Variants in RAD51B observed in about 807,000 individuals in gnomAD.
The protein encoded by RAD51B is RAD51 paralog B.
Under a neutral mutation model 42.2 loss-of-function variants are expected in RAD51B, and 38 were observed. The ratio of observed to expected loss-of-function variants is 0.90; its 90% CI spans 0.70 to 1.18. RAD51B has a LOEUF of 1.18. Ranked by LOEUF, RAD51B falls within the 50% of genes most tolerant of loss-of-function variation. RAD51B has a pLI of 0.00. For missense variants in RAD51B, 373 were observed against 400.7 expected (o/e 0.93, Z 0.59); for synonymous variants, 154 against 145.2 (o/e 1.06, Z -0.43).
chr14:68,078,324 C>T (rs939912162), intron 7 of RAD51B, among the ~76,000 whole-genome samples: 11 of 150,946 alleles, frequency 7.3e-5, no homozygotes, highest in African/African-American at 2.7e-4. Context: ...AAGAATATTT[C>T]TTTGTTTCCT....
Position 68,589,493 on chromosome 14 carries a change from C to T in RAD51B, c.1037-4992C>T, listed in dbSNP as rs142077242. 5.7e-3 allele frequency among the ~76,000 whole-genome samples: 873 copies of T among 152,328 alleles called. 6 individuals carry two copies. Among genetic ancestry groups the T allele is most frequent in the Non-Finnish European group, 8.2e-3 (556 of 68,022 alleles). On this transcript the variant is annotated intron_variant, in intron 10 of 10. Transcript: ENST00000487270. ...CACTGCCCCCATGACTGCCACAAGC[C>T]CCTCCCGACCTGGGAACGTCTCTTC...
At chr14:67,832,759 G>A (rs1049300269) in intron 3 of RAD51B, among the ~76,000 whole-genome samples, 3 of 152,072 alleles carry the variant, frequency 2.0e-5, no homozygotes, top group Non-Finnish European at 2.9e-5. Flanking sequence ...GATGTTATTT[G>A]CTCCATATCC....
chr14:68,248,332 A>T (rs1019861722), intron 7 of RAD51B, among the ~76,000 whole-genome samples: 1 of 152,052 alleles, frequency 6.6e-6, no homozygotes, highest in Non-Finnish European at 1.5e-5. Flanking sequence ...TTTTGAGGTT[A>T]TGTTCTTTTC....
chr14:68,404,568 C>T (rs2084211641), intron 8 of RAD51B, among the ~76,000 whole-genome samples: 1 of 152,190 alleles, frequency 6.6e-6, no homozygotes, highest in Non-Finnish European at 1.5e-5. Context: ...CCCTACCTCC[C>T]TCTCTCAAGT....
intron 10 of RAD51B, among the ~76,000 whole-genome samples, chr14:68,586,962 G>C (rs539959478): frequency 4.0e-5 from 6 of 151,842 alleles, no homozygotes; most frequent in African/African-American, 1.5e-4. Context: ...TCGAGATCAC[G>C]CCATTGCAGT....
intron 7 of RAD51B, among the ~76,000 whole-genome samples, chr14:67,973,049 C>A (rs2074928033): frequency 6.6e-6 from 1 of 152,032 alleles, no homozygotes; most frequent in Admixed American, 6.6e-5. Flanking sequence ...ACATAGAAAT[C>A]AAAATTATCA....
At chr14:67,966,632 A>T (rs2074784387) in intron 7 of RAD51B, among the ~76,000 whole-genome samples, 2 of 152,284 alleles carry the variant, frequency 1.3e-5, no homozygotes, top group African/African-American at 4.8e-5. Context: ...CTATGCATTG[A>T]CTTAGAGATA....
At chr14:68,570,873 C>CCACACACACACACACA (rs9323516) in intron 10 of RAD51B, among the ~76,000 whole-genome samples, 12 of 150,242 alleles carry the variant, frequency 8.0e-5, no homozygotes, top group African/African-American at 2.7e-4. Flanking sequence ...GGCTGGAGCG[C>CCACACACACACACACA]CACACACACA....
chr14:68,450,312 G>T (rs917819070), intron 9 of RAD51B, among the ~76,000 whole-genome samples: 1 of 146,948 alleles, frequency 6.8e-6, no homozygotes, highest in Non-Finnish European at 1.5e-5. Context: ...TCCACCTCCC[G>T]GGTTCAAACA....
chr14:68,062,788 G>T (rs2076588005), intron 7 of RAD51B, among the ~76,000 whole-genome samples: 1 of 141,904 alleles, frequency 7.0e-6, no homozygotes, highest in South Asian at 2.2e-4. Context: ...CAGCCTGCCA[G>T]CCTGGGCAAG....
chr14:68,269,667 G>A (rs1400647374), intron 7 of RAD51B, among the ~76,000 whole-genome samples: 4 of 152,178 alleles, frequency 2.6e-5, no homozygotes, highest in Non-Finnish European at 5.9e-5. Context: ...CCTGACTAGG[G>A]GGTCTCACTC....
At chr14:68,197,552 T>G (rs2140917379) in intron 7 of RAD51B, among the ~76,000 whole-genome samples, 1 of 152,308 alleles carries the variant, frequency 6.6e-6, no homozygotes, top group East Asian at 1.9e-4. Flanking sequence ...AATGTTTAAC[T>G]CTAAAATAAA....
At chr14:68,162,881 G>T (rs2078672214) in intron 7 of RAD51B, among the ~76,000 whole-genome samples, 1 of 152,290 alleles carries the variant, frequency 6.6e-6, no homozygotes, top group African/African-American at 2.4e-5. Flanking sequence ...GTACTAAAAA[G>T]CATACAGAAA....
intron 7 of RAD51B, among the ~76,000 whole-genome samples, chr14:68,077,913 G>A (rs1284477357): frequency 1.3e-5 from 2 of 152,152 alleles, no homozygotes; most frequent in Admixed American, 6.5e-5. Context: ...CCAAGACTGC[G>A]CCACTGCACT....
intron 7 of RAD51B, among the ~76,000 whole-genome samples, chr14:68,128,180 T>G (rs1393707592): frequency 6.6e-6 from 1 of 152,220 alleles, no homozygotes; most frequent in African/African-American, 2.4e-5. Context: ...AGTTTGGTTT[T>G]GATTGTTCCA....
intron 7 of RAD51B, among the ~76,000 whole-genome samples, chr14:68,191,276 A>G (rs2588807): frequency 0.8 from 122,377 of 152,046 alleles, 49,674 homozygotes; most frequent in East Asian, 0.98. Context: ...ATGTGTTTGG[A>G]TCATGGTTTC....
intron 7 of RAD51B, among the ~76,000 whole-genome samples, chr14:68,139,997 G>A (rs1219690533): frequency 6.6e-6 from 1 of 152,154 alleles, no homozygotes; most frequent in Non-Finnish European, 1.5e-5. Context: ...CTGCTAATTT[G>A]GGGAGCAGCA....
intron 7 of RAD51B, among the ~76,000 whole-genome samples, chr14:68,175,481 T>C (rs546868815): frequency 9.2e-5 from 14 of 152,146 alleles, no homozygotes; most frequent in African/African-American, 3.1e-4. Flanking sequence ...CTGGGGATAG[T>C]CTTTAGGTGG....
At chr14:67,890,467 T>C (rs1032577546) in intron 7 of RAD51B, among the ~76,000 whole-genome samples, 2 of 151,770 alleles carry the variant, frequency 1.3e-5, no homozygotes, top group Admixed American at 1.3e-4. Flanking sequence ...ATTTATTTAT[T>C]ATTATTATTA....
Sources: allele counts gnomAD v4.1 joint callset (sites outside exome capture counted in the v4.1 genomes callset), GRCh38; gene constraint gnomAD v4.1.1; transcripts MANE v1.5; gene names NCBI Gene and HGNC (gene_info 2026-07-23, HGNC 2026-07-21).